EYS: variants seen among roughly 807,000 people sequenced by gnomAD.
EYS encodes EGF-like photoreceptor maintenance factor, also known as protein eyes shut homolog.
A neutral mutation model predicts 282.1 loss-of-function variants in EYS; 250 were observed. The ratio of observed to expected loss-of-function variants is 0.89; its 90% CI spans 0.80 to 0.98. The LOEUF is 0.98. EYS is among the 50% of genes least tolerant of loss of function. EYS has a pLI of 0.00. For synonymous variants in EYS, 1,355 were observed against 1,282.9 expected, an observed-to-expected ratio of 1.06 and a Z score of -1.20; for missense variants, 4,016 against 3,709.0, an observed-to-expected ratio of 1.08 and a Z score of -2.15.
chr6:65,141,495 TAA>T (rs60195047), intron 12 of EYS, among the ~76,000 whole-genome samples: 20,080 of 147,738 alleles, frequency 0.14, 1,686 homozygotes, highest in Non-Finnish European at 0.19. Flanking sequence ...AGTATAATAA[TAA>T]AAAAAAAACA....
At chr6:63,990,076 A>T (rs1767538536) in intron 34 of EYS, among the ~76,000 whole-genome samples, 1 of 151,664 alleles carries the variant, frequency 6.6e-6, no homozygotes, top group Non-Finnish European at 1.5e-5. Flanking sequence ...TACTTTGTGA[A>T]CACATTGATC....
chr6:65,432,933 T>C (rs1487834353), intron 5 of EYS, among the ~76,000 whole-genome samples: 1 of 144,584 alleles, frequency 6.9e-6, no homozygotes, highest in Non-Finnish European at 1.6e-5. Flanking sequence ...GCAAGGTTTT[T>C]GTTTGTTTTT....
chr6:64,608,777 C>A (rs1238255516), intron 24 of EYS, among the ~76,000 whole-genome samples: 1 of 152,054 alleles, frequency 6.6e-6, no homozygotes, highest in Non-Finnish European at 1.5e-5. Context: ...ATTAAATCCC[C>A]ATTATTAAGT....
rs1381555783 is a variant in EYS at position 64,336,903 on chromosome 6, A to C, written c.6079-29821T>G. Among the ~76,000 whole-genome samples the C allele has an allele frequency of 2.0e-5, 3 of 152,138 alleles. No individual in the cohort carries two copies. The East Asian group carries it at 5.8e-4, about 29-fold the overall frequency. ...TGGGTCAAAAACGAAGACAAGATGG[A>C]AATTTAAAAATTCTTCAAACTGAAC... On this transcript the variant is annotated intron_variant, in intron 29 of 42. Coordinates refer to ENST00000503581, the MANE Select transcript of EYS (RefSeq NM_001142800.2).
intron 26 of EYS, among the ~76,000 whole-genome samples, chr6:64,548,213 G>A (rs961166241): frequency 1.5e-4 from 23 of 152,120 alleles, no homozygotes; most frequent in African/African-American, 4.3e-4. Context: ...CTGTCAGCAC[G>A]CTGTCACCTC....
intron 2 of EYS, among the ~76,000 whole-genome samples, chr6:65,553,838 A>G (rs1768689750): frequency 1.3e-5 from 2 of 152,106 alleles, no homozygotes; most frequent in South Asian, 2.1e-4. Context: ...GAAGTTATTT[A>G]TTATTACATA....
At chr6:64,948,183 T>C (rs1174081219) in intron 14 of EYS, among the ~76,000 whole-genome samples, 1 of 151,474 alleles carries the variant, frequency 6.6e-6, no homozygotes, top group Non-Finnish European at 1.5e-5. Context: ...GAAGAAAATA[T>C]AATTTAAAAA....
intron 22 of EYS, among the ~76,000 whole-genome samples, chr6:64,791,351 A>C (rs1323647448): frequency 6.6e-6 from 1 of 151,790 alleles, no homozygotes; most frequent in Non-Finnish European, 1.5e-5. Flanking sequence ...TTTGTTCATT[A>C]AGACCTAAAA....
chr6:65,616,783 T>A (rs1360203751), intron 2 of EYS, among the ~76,000 whole-genome samples: 5 of 147,598 alleles, frequency 3.4e-5, no homozygotes, highest in South Asian at 4.3e-4. Flanking sequence ...ACACTCTGTC[T>A]AAAAAAACAA....
chr6:65,342,763 T>C (rs1221798487), intron 10 of EYS, among the ~76,000 whole-genome samples: 2 of 150,648 alleles, frequency 1.3e-5, no homozygotes, highest in East Asian at 3.9e-4. Context: ...GCCAAAATGA[T>C]CTTAGATTGC....
At chr6:64,132,650 C>A (rs1056957020) in intron 31 of EYS, among the ~76,000 whole-genome samples, 3 of 151,760 alleles carry the variant, frequency 2.0e-5, no homozygotes, top group Non-Finnish European at 4.4e-5. Flanking sequence ...ACAACCCAGC[C>A]TTAGCCTCTT....
chr6:63,908,716 G>C (rs906946721), intron 35 of EYS, among the ~76,000 whole-genome samples: 10 of 152,142 alleles, frequency 6.6e-5, no homozygotes, highest in Non-Finnish European at 1.5e-4. Flanking sequence ...CTCCCACAGT[G>C]CTGGGATTAC....
rs191803613 is a variant in EYS at position 65,290,884 on chromosome 6, C to A, written c.2023+4979G>T. Among the ~76,000 whole-genome samples, 510 of 151,210 alleles carry A rather than the reference C, an allele frequency of 3.4e-3. 2 individuals carry two copies. Among genetic ancestry groups the A allele is most frequent in the South Asian group, 4.4e-3 (21 of 4,812 alleles). On this transcript the variant is annotated intron_variant, in intron 12 of 42. Coordinates refer to ENST00000503581, the MANE Select transcript of EYS (RefSeq NM_001142800.2). The stretch of plus-strand genomic sequence containing the variant: ...TATTTATCATCTCCTTAATATCAAG[C>A]CATCACCATGTTTAATGATAGTGAA...
At chr6:64,809,709 A>G (rs550566094) in intron 22 of EYS, among the ~76,000 whole-genome samples, 1 of 152,202 alleles carries the variant, frequency 6.6e-6, no homozygotes, top group African/African-American at 2.4e-5. Flanking sequence ...ATCCTAAATG[A>G]CCAAACACAA....
intron 2 of EYS, among the ~76,000 whole-genome samples, chr6:65,610,025 A>G (rs1159503892): frequency 6.6e-6 from 1 of 152,010 alleles, no homozygotes; most frequent in Admixed American, 6.6e-5. Context: ...CAGCCTCCCT[A>G]GCAGTTGGGA....
At chr6:63,757,512 T>C (rs1331285853) in intron 41 of EYS, among the ~76,000 whole-genome samples, 1 of 152,122 alleles carries the variant, frequency 6.6e-6, no homozygotes, top group East Asian at 1.9e-4. Flanking sequence ...GTGATCTTTA[T>C]TGGCCTCAGA....
intron 22 of EYS, among the ~76,000 whole-genome samples, chr6:64,720,074 G>A (rs1450244416): frequency 1.3e-5 from 2 of 152,060 alleles, no homozygotes; most frequent in African/African-American, 2.4e-5. Context: ...GTTGAAAATG[G>A]GTCTCACTGG....
chr6:65,679,330 G>A (rs1483802731), intron 1 of EYS, among the ~76,000 whole-genome samples: 1 of 151,930 alleles, frequency 6.6e-6, no homozygotes, highest in Non-Finnish European at 1.5e-5. Context: ...GTATGTAAGT[G>A]TATGTATAAA....
At chr6:65,457,362 A>T (rs1376390169) in intron 5 of EYS, among the ~76,000 whole-genome samples, 1 of 151,824 alleles carries the variant, frequency 6.6e-6, no homozygotes, top group Non-Finnish European at 1.5e-5. Context: ...ATGGGGTCTC[A>T]CTTTGTTGCC....
Sources: allele counts gnomAD v4.1 joint callset (sites outside exome capture counted in the v4.1 genomes callset), GRCh38; gene constraint gnomAD v4.1.1; transcripts MANE v1.5; gene names NCBI Gene and HGNC (gene_info 2026-07-23, HGNC 2026-07-21).